The following ZNF704 variants were observed in gnomAD, a reference collection of about 807,000 sequenced individuals.
ZNF704 encodes the protein zinc finger protein 704.
Under a neutral mutation model 44.7 loss-of-function variants are expected in ZNF704, and 10 were observed. That is an observed-to-expected ratio of 0.22 (90% confidence interval 0.14 to 0.38). The LOEUF (loss-of-function observed/expected upper bound fraction) is 0.38. Ranked by LOEUF, ZNF704 falls within the 10% of genes least tolerant of loss-of-function variation. ZNF704 has a pLI of 1.00. For synonymous variants in ZNF704, 211 were observed against 207.6 expected (o/e 1.02, Z -0.14); for missense variants, 390 against 545.5 (o/e 0.71, Z 2.84).
intron 1 of ZNF704, among the ~76,000 whole-genome samples, chr8:80,863,047 T>C (rs1456325742): frequency 6.6e-6 from 1 of 151,762 alleles, no homozygotes; most frequent in East Asian, 1.9e-4. Flanking sequence ...TTCCCCCCCT[T>C]TTCTGATAAT....
At chr8:80,795,236 G>A (rs1290954714) in intron 2 of ZNF704, among the ~76,000 whole-genome samples, 2 of 152,154 alleles carry the variant, frequency 1.3e-5, no homozygotes, top group East Asian at 3.9e-4. Context: ...AATGGAACCT[G>A]CCTTTTTCTG....
rs183338550 is a variant in ZNF704 at position 80,828,569 on chromosome 8, G to A, written c.-21-6954C>T. 3.3e-5 allele frequency among the ~76,000 whole-genome samples: 5 copies of A among 152,272 alleles called. 1 individual carries two copies. In the East Asian group the frequency reaches 9.7e-4, roughly 29 times the overall value. ...TCCAGTGGGGTCATCTGTGAAGTCAGTAAATCTTCACTCTCCCATTTAAAT... is the reference window on the plus strand; with the variant it reads ...TCCAGTGGGGTCATCTGTGAAGTCAATAAATCTTCACTCTCCCATTTAAAT... On this transcript the variant is annotated intron_variant, in intron 1 of 8. Coordinates refer to ENST00000327835, the MANE Select transcript of ZNF704 (RefSeq NM_001033723.3).
At chr8:80,695,152 C>T (rs1312498657) in intron 2 of ZNF704, among the ~76,000 whole-genome samples, 1 of 152,224 alleles carries the variant, frequency 6.6e-6, no homozygotes, top group African/African-American at 2.4e-5. Context: ...TGCAAAGCAC[C>T]TTCAGGTAAT....
At chr8:80,645,406 C>G (rs966207804) in intron 7 of ZNF704, among the ~76,000 whole-genome samples, 4 of 152,212 alleles carry the variant, frequency 2.6e-5, no homozygotes, top group Non-Finnish European at 5.9e-5. Flanking sequence ...ACTTTCTCTT[C>G]TCTTTCAACG....
intron 2 of ZNF704, among the ~76,000 whole-genome samples, chr8:80,715,298 G>A (rs151266572): frequency 6.6e-6 from 1 of 152,280 alleles, no homozygotes; most frequent in East Asian, 1.9e-4. Context: ...GGATGTATTT[G>A]CTGCTTCCCA....
chr8:80,697,512 G>A (rs1251929042), intron 2 of ZNF704, among the ~76,000 whole-genome samples: 3 of 152,186 alleles, frequency 2.0e-5, no homozygotes, highest in African/African-American at 7.2e-5. Context: ...ACCTCTCCAG[G>A]AGAGGCAGCA....
At chr8:80,741,206 C>T (rs1806749680) in intron 2 of ZNF704, among the ~76,000 whole-genome samples, 1 of 152,204 alleles carries the variant, frequency 6.6e-6, no homozygotes, top group African/African-American at 2.4e-5. Context: ...ATTAAGGAAA[C>T]TCAGAAAGCC....
At chr8:80,739,896 G>A (rs1243498633) in intron 2 of ZNF704, among the ~76,000 whole-genome samples, 1 of 152,182 alleles carries the variant, frequency 6.6e-6, no homozygotes, top group Non-Finnish European at 1.5e-5. Context: ...AAAGTCCTCC[G>A]AGTCAGAAGC....
chr8:80,653,239 T>C (rs1266946563), intron 7 of ZNF704, among the ~76,000 whole-genome samples: 2 of 152,078 alleles, frequency 1.3e-5, no homozygotes, highest in African/African-American at 2.4e-5. Flanking sequence ...ACTGGAAGCA[T>C]TCCCTTTGAA....
chr8:80,779,915 A>ATAT (rs1473807429), intron 2 of ZNF704, among the ~76,000 whole-genome samples: 1 of 150,084 alleles, frequency 6.7e-6, no homozygotes, highest in Non-Finnish European at 1.5e-5. Flanking sequence ...AATAATATTA[A>ATAT]TATTATAATA....
Position 80,687,455 on chromosome 8 carries a change from C to T in ZNF704, c.329G>A (p.Ser110Asn). Residue 110 changes from serine (S) to asparagine (N), a missense_variant, in exon 4 of 9, where the codon AGC becomes AAC. By Grantham distance (46) the Ser-to-Asn change is conservative. Coordinates refer to ENST00000327835, the MANE Select transcript of ZNF704 (RefSeq NM_001033723.3). ...VRSPPVRPNESLSGSWKEGGC... is the reference protein window; with the variant it reads ...VRSPPVRPNENLSGSWKEGGC... ...GCCCTCCTTCCAGGATCCGCTGAGG[C>T]TCTCTGCATGCACACAAACACAGTC... 1 of 1,551,556 alleles carries T rather than the reference C, an allele frequency of 6.4e-7. No individual in the cohort carries two copies.
chr8:80,828,171 A>T (rs1374480237), intron 1 of ZNF704, among the ~76,000 whole-genome samples: 1 of 152,218 alleles, frequency 6.6e-6, no homozygotes, highest in East Asian at 1.9e-4. Context: ...AAATTTTTAC[A>T]ATCTACTCAG....
intron 1 of ZNF704, among the ~76,000 whole-genome samples, chr8:80,842,352 CA>C (rs1370236529): frequency 6.6e-6 from 1 of 152,102 alleles, no homozygotes; most frequent in Non-Finnish European, 1.5e-5. Flanking sequence ...GATAAATATG[CA>C]ATGAACTGTA....
Position 80,687,463 on chromosome 8 carries a change from A to G in ZNF704, c.326-5T>C, listed in dbSNP as rs1481843208. 4 of 1,536,922 alleles carry G rather than the reference A, an allele frequency of 2.6e-6. No homozygotes were observed. Among genetic ancestry groups the G allele is most frequent in the Non-Finnish European group, 3.5e-6 (4 of 1,142,402 alleles). ...TCCAGGATCCGCTGAGGCTCTCTGC[A>G]TGCACACAAACACAGTCAGTGCCAG... On this transcript the variant is annotated splice_region_variant and splice_polypyrimidine_tract_variant and intron_variant, in intron 3 of 8. Transcript: ENST00000327835.
intron 2 of ZNF704, among the ~76,000 whole-genome samples, chr8:80,815,076 T>G (rs905640071): frequency 2.6e-5 from 4 of 152,200 alleles, no homozygotes; most frequent in African/African-American, 9.7e-5. Flanking sequence ...CAAAGGTCAA[T>G]GTGTTTCTGA....
chr8:80,735,168 G>C (rs1325914929), intron 2 of ZNF704, among the ~76,000 whole-genome samples: 1 of 152,170 alleles, frequency 6.6e-6, no homozygotes, highest in Non-Finnish European at 1.5e-5. Flanking sequence ...CTTTATATAA[G>C]TTAGTCATGT....
intron 1 of ZNF704, among the ~76,000 whole-genome samples, chr8:80,822,453 A>G (rs1025004011): frequency 6.6e-6 from 1 of 152,144 alleles, no homozygotes; most frequent in Non-Finnish European, 1.5e-5. Context: ...CATTGATGGG[A>G]CATTTGGGTT....
At chr8:80,861,017 G>C (rs192328916) in intron 1 of ZNF704, among the ~76,000 whole-genome samples, 34 of 152,274 alleles carry the variant, frequency 2.2e-4, no homozygotes, top group Admixed American at 9.8e-4. Context: ...AATGAAAGAA[G>C]AATGTCCATC....
intron 2 of ZNF704, among the ~76,000 whole-genome samples, chr8:80,715,262 GT>G (rs1370440223): frequency 6.6e-6 from 1 of 152,184 alleles, no homozygotes; most frequent in Non-Finnish European, 1.5e-5. Context: ...CTTGTCCTTT[GT>G]TTTCAATGTA....
Sources: allele counts gnomAD v4.1 joint callset (sites outside exome capture counted in the v4.1 genomes callset), GRCh38; gene constraint gnomAD v4.1.1; transcripts MANE v1.5; gene names NCBI Gene and HGNC (gene_info 2026-07-23, HGNC 2026-07-21).